Variants in CATSPERB observed in about 807,000 individuals in gnomAD.
The protein encoded by CATSPERB is catsper channel auxiliary subunit beta.
Under a neutral mutation model 128.3 loss-of-function variants are expected in CATSPERB, and 93 were observed. That is an observed-to-expected ratio of 0.72 (90% CI 0.61 to 0.86). The LOEUF (loss-of-function observed/expected upper bound fraction) is 0.86, where lower values mean the gene tolerates loss of function less well. Among genes scored for constraint, CATSPERB ranks in the 40% least tolerant of loss-of-function variants. CATSPERB has a pLI of 0.00. For missense variants in CATSPERB, 1,153 were observed against 1,329.5 expected (o/e 0.87, Z 2.06); for synonymous variants, 381 against 448.8 (o/e 0.85, Z 1.91).
At chr14:91,612,064 C>CTTTCTTTCT (rs775422175) in intron 20 of CATSPERB, among the ~76,000 whole-genome samples, 2 of 36,330 alleles carry the variant, frequency 5.5e-5, no homozygotes, top group South Asian at 1.8e-3. Context: ...TTCTTTCTTT[C>CTTTCTTTCT]TTCCTTTTTT....
chr14:91,683,087 A>C (rs1895311435), intron 11 of CATSPERB, among the ~76,000 whole-genome samples: 1 of 152,172 alleles, frequency 6.6e-6, no homozygotes, highest in Admixed American at 6.5e-5. Context: ...CATATATAGC[A>C]CGATTGGTAT....
chr14:91,676,768 A>C (rs993321014), intron 11 of CATSPERB, among the ~76,000 whole-genome samples: 3 of 152,222 alleles, frequency 2.0e-5, no homozygotes, highest in African/African-American at 4.8e-5. Context: ...TAGCCAAGAC[A>C]ATCCTAAGCA....
intron 15 of CATSPERB, among the ~76,000 whole-genome samples, chr14:91,640,874 G>C (rs898152379): frequency 6.6e-6 from 1 of 151,128 alleles, no homozygotes; most frequent in African/African-American, 2.4e-5. Context: ...GTGTAAAAGT[G>C]TTCCTATTTC....
At chr14:91,623,788 C>T (rs972148177) in intron 18 of CATSPERB, among the ~76,000 whole-genome samples, 7 of 152,168 alleles carry the variant, frequency 4.6e-5, no homozygotes, top group East Asian at 1.9e-4. Context: ...AGTGGCTTCC[C>T]GTTTAGTCAG....
rs1177867461 is a variant in CATSPERB, at chr14:91,706,768, T to C, written c.466+1373A>G. 7.9e-5 allele frequency among the ~76,000 whole-genome samples: 12 copies of C among 152,194 alleles called. No individual in the cohort carries two copies. The East Asian group carries it at 2.1e-3, about 27-fold the overall frequency. On this transcript the variant is annotated intron_variant, in intron 6 of 26. Coordinates refer to ENST00000256343, the MANE Select transcript of CATSPERB (RefSeq NM_024764.4). Reference sequence around the variant, plus strand: ...TTGGTGAATGATATCATCCTCTACTTGAATGCTTGAGTAAGAAATCCAGGC... The same window carrying C: ...TTGGTGAATGATATCATCCTCTACTCGAATGCTTGAGTAAGAAATCCAGGC...
At chr14:91,695,129 A>ATTTT (rs34458723) in intron 7 of CATSPERB, among the ~76,000 whole-genome samples, 120 of 133,526 alleles carry the variant, frequency 9.0e-4, no homozygotes, top group African/African-American at 3.3e-3. Context: ...AATGGTGGGA[A>ATTTT]TTTTTTTTTT....
At position 91,598,672 on chromosome 14, in the gene CATSPERB, C is replaced by T. The variant is rs543257346; in HGVS notation, c.2710-6670G>A. 3.9e-4 allele frequency among the ~76,000 whole-genome samples: 60 copies of T among 152,106 alleles called. 1 individual carries two copies. The highest frequency in any genetic ancestry group is 1.4e-3 in the African/African-American group (59 of 41,502). On this transcript the variant is annotated intron_variant, in intron 22 of 26. Coordinates refer to ENST00000256343, the MANE Select transcript of CATSPERB (RefSeq NM_024764.4). ...AGGAGATCAAGACCATCCTGGCTAA[C>T]ATGGTGAAACCCCATCTCTACTAAA... is the stretch of plus-strand genomic sequence containing the variant.
intron 18 of CATSPERB, among the ~76,000 whole-genome samples, chr14:91,622,498 G>C (rs886188426): frequency 3.9e-5 from 6 of 152,170 alleles, no homozygotes; most frequent in Non-Finnish European, 8.8e-5. Flanking sequence ...GAAATGATTG[G>C]AGAAAATCAG....
chr14:91,661,752 G>A (rs1405335603), intron 14 of CATSPERB, among the ~76,000 whole-genome samples: 3 of 151,626 alleles, frequency 2.0e-5, no homozygotes, highest in Non-Finnish European at 2.9e-5. Flanking sequence ...TGAAACTCCC[G>A]GGCTCAAGCG....
At chr14:91,602,647 A>C (rs1435550007) in intron 22 of CATSPERB, among the ~76,000 whole-genome samples, 2 of 113,034 alleles carry the variant, frequency 1.8e-5, no homozygotes, top group East Asian at 1.9e-4. Context: ...ATATTTGTAC[A>C]AAAAAAAACA....
rs571646714 is a variant in CATSPERB, at chr14:91,596,361, G to A, written c.2710-4359C>T. Among the ~76,000 whole-genome samples, 293 of 151,966 alleles carry A rather than the reference G, an allele frequency of 1.9e-3. 1 individual carries two copies. Among genetic ancestry groups the A allele is most frequent in the Non-Finnish European group, 3.5e-3 (235 of 67,976 alleles). Reference sequence around the variant, plus strand: ...TGGGACTACAGGCGCCTGCCACCACGCCCGGCTAATTTTTTGTATTTTTAG... The same window carrying A: ...TGGGACTACAGGCGCCTGCCACCACACCCGGCTAATTTTTTGTATTTTTAG... On this transcript the variant is annotated intron_variant, in intron 22 of 26. Transcript: ENST00000256343.
At chr14:91,677,222 C>G (rs1490845971) in intron 11 of CATSPERB, among the ~76,000 whole-genome samples, 1 of 152,068 alleles carries the variant, frequency 6.6e-6, no homozygotes, top group South Asian at 2.1e-4. Flanking sequence ...AATTGACAAA[C>G]AGGATCTAAT....
Position 91,586,571 on chromosome 14 carries a change from A to AGAGAAAGAG in CATSPERB, c.3132+630_3132+631insCTCTTTCTC, listed in dbSNP as rs374162982. 2.6e-3 allele frequency among the ~76,000 whole-genome samples: 295 copies of AGAGAAAGAG among 114,232 alleles called. 2 individuals carry two copies. Among genetic ancestry groups the AGAGAAAGAG allele is most frequent in the African/African-American group, 7.6e-3 (212 of 27,756 alleles). 74.9% of individuals were successfully genotyped at this position (114,232 alleles called of 152,430 possible). A position where few individuals can be genotyped will look rare whatever the true frequency, so the allele number is the denominator to read the frequency against. On this transcript the variant is annotated intron_variant, in intron 26 of 26. Transcript: ENST00000256343. ...GGAGAGAGAGAGAGAGAGAGAGAGA[A>AGAGAAAGAG]AGAGAGAGAGAGAGAGAGAGAGACA...
chr14:91,588,680 T>C (rs1893346651), intron 24 of CATSPERB, among the ~76,000 whole-genome samples: 1 of 152,192 alleles, frequency 6.6e-6, no homozygotes, highest in Non-Finnish European at 1.5e-5. Context: ...TTCCATAGTG[T>C]AAATACTCTC....
At chr14:91,588,127 G>C in intron 24 of CATSPERB, 49 bp from the exon 25 acceptor site, 1 of 1,227,404 alleles carries the variant, frequency 8.1e-7, no homozygotes, top group South Asian at 1.3e-5. Flanking sequence ...TTCTCATTTT[G>C]TATTAGGTTG....
chr14:91,677,527 A>C (rs189203127), intron 11 of CATSPERB, among the ~76,000 whole-genome samples: 99 of 152,372 alleles, frequency 6.5e-4, no homozygotes, highest in African/African-American at 2.3e-3. Context: ...TATACCTGTC[A>C]GAATGGTGAT....
At chr14:91,610,366 T>C (rs1187771928) in intron 21 of CATSPERB, 114 bp downstream of exon 21, 1 of 717,446 alleles carries the variant, frequency 1.4e-6, no homozygotes, top group Non-Finnish European at 2.3e-6. Context: ...AAAATAACTG[T>C]GAAGTGTTTT....
At chr14:91,646,954 C>T (rs1894617245) in intron 15 of CATSPERB, among the ~76,000 whole-genome samples, 1 of 152,252 alleles carries the variant, frequency 6.6e-6, no homozygotes, top group African/African-American at 2.4e-5. Context: ...AGCAGTGGCT[C>T]ATGCCTGCAA....
chr14:91,691,586 C>A, intron 9 of CATSPERB, 31 bp from the exon 10 acceptor site: 1 of 1,579,544 alleles, frequency 6.3e-7, no homozygotes, highest in Admixed American at 1.7e-5. Context: ...TTAATTTTTG[C>A]TTGCATATCA....
Sources: allele counts gnomAD v4.1 joint callset (sites outside exome capture counted in the v4.1 genomes callset), GRCh38; gene constraint gnomAD v4.1.1; transcripts MANE v1.5; gene names NCBI Gene and HGNC (gene_info 2026-07-23, HGNC 2026-07-21).